Variants in ZMIZ1 observed in about 807,000 individuals in gnomAD.
The protein encoded by ZMIZ1 is zinc finger MIZ domain-containing protein 1.
In ZMIZ1, 17 loss-of-function variants were observed where a neutral mutation model predicts 113.9. The observed-to-expected ratio is 0.15, with a 90% CI of 0.10 to 0.22. The LOEUF (loss-of-function observed/expected upper bound fraction) is 0.22, where lower values mean the gene tolerates loss of function less well. Among genes scored for constraint, ZMIZ1 ranks in the 10% least tolerant of loss-of-function variants. The pLI, the probability that ZMIZ1 is intolerant of heterozygous loss-of-function variation, is 1.00. For missense variants in ZMIZ1, 1,059 were observed against 1,477.8 expected (o/e 0.72, Z 4.65); for synonymous variants, 607 against 603.1 (o/e 1.01, Z -0.09).
At chr10:79,088,980 C>T (rs796551970) in intron 1 of ZMIZ1, among the ~76,000 whole-genome samples, 9 of 152,352 alleles carry the variant, frequency 5.9e-5, no homozygotes, top group African/African-American at 1.9e-4. Context: ...TCAGCCTCCA[C>T]AGCTGCTCAG....
At chr10:79,115,830 C>T (rs1272565464) in intron 1 of ZMIZ1, among the ~76,000 whole-genome samples, 2 of 152,238 alleles carry the variant, frequency 1.3e-5, no homozygotes, top group African/African-American at 4.8e-5. Context: ...AGGGCTTCCG[C>T]CTTCTCAGTC....
At chr10:79,133,885 G>A (rs1021256767) in intron 2 of ZMIZ1, among the ~76,000 whole-genome samples, 1 of 152,214 alleles carries the variant, frequency 6.6e-6, no homozygotes, top group Admixed American at 6.5e-5. Context: ...TTGTACTACC[G>A]AATCCATCAG....
At chr10:79,230,051 C>T (rs1365908517) in intron 7 of ZMIZ1, among the ~76,000 whole-genome samples, 1 of 152,150 alleles carries the variant, frequency 6.6e-6, no homozygotes, top group African/African-American at 2.4e-5. Flanking sequence ...AGAACTGACT[C>T]GTTGCACCCT....
intron 2 of ZMIZ1, among the ~76,000 whole-genome samples, chr10:79,131,585 G>A (rs891938864): frequency 1.3e-5 from 2 of 152,182 alleles, no homozygotes; most frequent in Admixed American, 6.5e-5. Flanking sequence ...CTGAAAACCA[G>A]TTGATGAATA....
rs765832169 is a variant in ZMIZ1 at position 79,202,551 on chromosome 10, T to C, written c.60+859T>C. On this transcript the variant is annotated intron_variant, in intron 5 of 24. Coordinates refer to ENST00000334512, the MANE Select transcript of ZMIZ1 (RefSeq NM_020338.4). ...GGGGAAGTGGGTAGCCTGAGTCCACTCAGCCCCTCTGGTGCTGGGAAGACC... is the reference window on the plus strand; with the variant it reads ...GGGGAAGTGGGTAGCCTGAGTCCACCCAGCCCCTCTGGTGCTGGGAAGACC... 3.6e-3 allele frequency among the ~76,000 whole-genome samples: 191 copies of C among 52,754 alleles called. 1 individual carries two copies. The highest frequency in any genetic ancestry group is 5.2e-3 in the East Asian group (9 of 1,728). 34.6% of individuals were successfully genotyped at this position (52,754 alleles called of 152,430 possible).
intron 3 of ZMIZ1, among the ~76,000 whole-genome samples, chr10:79,143,791 G>A (rs905936817): frequency 2.0e-5 from 3 of 152,102 alleles, no homozygotes; most frequent in African/African-American, 7.2e-5. Context: ...ATAGGGGCTG[G>A]GGGGTGGGGG....
At position 79,220,774 on chromosome 10, in the gene ZMIZ1, G is replaced by A. The variant is rs114763893; in HGVS notation, c.280+4500G>A. Among the ~76,000 whole-genome samples the A allele has an allele frequency of 2.0e-3, 310 of 152,248 alleles. 2 individuals carry two copies. The highest frequency in any genetic ancestry group is 7.0e-3 in the African/African-American group (289 of 41,546). ...ACGTCTGTGTGTATGGTGTGTGTGAGGCTGTGTATGTTTGTGTTGGGGAGA... is the reference window on the plus strand; with the variant it reads ...ACGTCTGTGTGTATGGTGTGTGTGAAGCTGTGTATGTTTGTGTTGGGGAGA... On this transcript the variant is annotated intron_variant, in intron 7 of 24. Coordinates refer to ENST00000334512, the MANE Select transcript of ZMIZ1 (RefSeq NM_020338.4).
intron 23 of ZMIZ1, among the ~76,000 whole-genome samples, chr10:79,310,349 A>G (rs1855044526): frequency 6.6e-6 from 1 of 152,148 alleles, no homozygotes. Flanking sequence ...GCTTGTGCCA[A>G]GGCCCCAGCT....
intron 1 of ZMIZ1, among the ~76,000 whole-genome samples, chr10:79,109,604 A>G (rs940704618): frequency 1.3e-5 from 2 of 152,148 alleles, no homozygotes; most frequent in Non-Finnish European, 2.9e-5. Flanking sequence ...TGGGTTCCTG[A>G]TCCACCCTTT....
rs142576222 is a variant in ZMIZ1 at position 79,212,137 on chromosome 10, C to T, written c.174+3688C>T. On this transcript the variant is annotated intron_variant, in intron 6 of 24. Coordinates refer to ENST00000334512, the MANE Select transcript of ZMIZ1 (RefSeq NM_020338.4). ...ACCACGTGACCTTAAGCAAGTCACC[C>T]GTCTTCTTCTTTTTTTTTTTAATTT... Among the ~76,000 whole-genome samples, 208 of 151,886 alleles carry T rather than the reference C, an allele frequency of 1.4e-3. 5 individuals are homozygous for T. Among genetic ancestry groups the T allele is most frequent in the African/African-American group, 4.6e-3 (189 of 41,406 alleles).
chr10:79,149,580 G>A (rs1845627762), intron 3 of ZMIZ1, among the ~76,000 whole-genome samples: 1 of 152,230 alleles, frequency 6.6e-6, no homozygotes, highest in Admixed American at 6.5e-5. Flanking sequence ...AGACACTTCA[G>A]GGGTTCAGGC....
At chr10:79,182,659 G>A (rs1847169579) in intron 4 of ZMIZ1, among the ~76,000 whole-genome samples, 2 of 152,250 alleles carry the variant, frequency 1.3e-5, no homozygotes, top group African/African-American at 4.8e-5. Context: ...GCCCTAAGAG[G>A]CTTGAGGATT....
chr10:79,231,441 A>G (rs1849389453), intron 7 of ZMIZ1, among the ~76,000 whole-genome samples: 1 of 152,110 alleles, frequency 6.6e-6, no homozygotes, highest in Admixed American at 6.5e-5. Flanking sequence ...ATGGGGTTTC[A>G]CTGTGTTGAC....
At chr10:79,305,911 C>T (rs746820634) in intron 21 of ZMIZ1, among the ~76,000 whole-genome samples, 189 bp from the exon 22 acceptor site, 1 of 152,230 alleles carries the variant, frequency 6.6e-6, no homozygotes, top group African/African-American at 2.4e-5. Context: ...GCTTTTCTAG[C>T]CTCAGTCTCC....
At chr10:79,269,337 C>T (rs1451955748) in intron 7 of ZMIZ1, among the ~76,000 whole-genome samples, 3 of 152,052 alleles carry the variant, frequency 2.0e-5, no homozygotes, top group Non-Finnish European at 4.4e-5. Flanking sequence ...GATGAGAGGG[C>T]CCTGCTTCAA....
At chr10:79,249,379 G>A (rs569295453) in intron 7 of ZMIZ1, among the ~76,000 whole-genome samples, 11 of 152,334 alleles carry the variant, frequency 7.2e-5, no homozygotes, top group Non-Finnish European at 1.0e-4. Flanking sequence ...TTGCATCCAC[G>A]CTGGGTGCTG....
intron 3 of ZMIZ1, among the ~76,000 whole-genome samples, chr10:79,149,682 C>T (rs1431948789): frequency 6.6e-6 from 1 of 152,200 alleles, no homozygotes; most frequent in African/African-American, 2.4e-5. Flanking sequence ...TGCGTGGCCC[C>T]GTGGGGTGGC....
intron 23 of ZMIZ1, among the ~76,000 whole-genome samples, chr10:79,310,011 TCACATCTCACCC>T (rs1248260087): frequency 1.3e-5 from 2 of 152,112 alleles, no homozygotes; most frequent in Non-Finnish European, 2.9e-5. Context: ...AGGGGAATGT[TCACATCTCACCC>T]ACCCACCCAC....
intron 10 of ZMIZ1, among the ~76,000 whole-genome samples, chr10:79,291,572 T>C (rs1402227185): frequency 6.6e-6 from 1 of 152,268 alleles, no homozygotes; most frequent in Non-Finnish European, 1.5e-5. Flanking sequence ...GAATATCTGC[T>C]CTGCCTTGCT....
Sources: allele counts gnomAD v4.1 joint callset (sites outside exome capture counted in the v4.1 genomes callset), GRCh38; gene constraint gnomAD v4.1.1; transcripts MANE v1.5; gene names NCBI Gene and HGNC (gene_info 2026-07-23, HGNC 2026-07-21).